ARMC9: variants seen among roughly 807,000 people sequenced by gnomAD.
ARMC9 encodes the protein lisH domain-containing protein ARMC9.
In ARMC9, 94 loss-of-function variants were observed where a neutral mutation model predicts 107.0. That is an observed-to-expected ratio of 0.88 (90% CI 0.74 to 1.04). The LOEUF is 1.04. Ranked by LOEUF, ARMC9 falls within the 50% of genes least tolerant of loss-of-function variation. The pLI, the probability that ARMC9 is intolerant of heterozygous loss-of-function variation, is 0.00. For missense variants in ARMC9, 942 were observed against 1,030.1 expected (o/e 0.91, Z 1.17); for synonymous variants, 380 against 396.9 (o/e 0.96, Z 0.51).
chr2:231,316,494 C>T (rs2042688530), intron 19 of ARMC9, among the ~76,000 whole-genome samples: 1 of 151,856 alleles, frequency 6.6e-6, no homozygotes, highest in Non-Finnish European at 1.5e-5. Flanking sequence ...AACCCCATCT[C>T]TACTAAAAAT....
intron 20 of ARMC9, among the ~76,000 whole-genome samples, chr2:231,338,578 C>T (rs1372636264): frequency 7.5e-6 from 1 of 134,166 alleles, no homozygotes; most frequent in Admixed American, 8.1e-5. Context: ...CTCGCTCTGT[C>T]ACACAGGCTG....
In ARMC9 at chr2:231,328,814, C is replaced by CTTTTTTTTTTTTTTTTTTTTTTTTTTT. The variant is rs1341987081; in HGVS notation, c.1774-2975_1774-2974insTTTTTTTTTTTTTTTTTTTTTTTTTTT. Among the ~76,000 whole-genome samples the CTTTTTTTTTTTTTTTTTTTTTTTTTTT allele has an allele frequency of 6.6e-3, 839 of 127,086 alleles. 166 individuals are homozygous for CTTTTTTTTTTTTTTTTTTTTTTTTTTT. The highest frequency in any genetic ancestry group is 9.0e-3 in the Non-Finnish European group (528 of 58,808). The allele number at this position is 127,086 out of a possible 152,430, so 83.4% of individuals were successfully genotyped here. A position where few individuals can be genotyped will look rare whatever the true frequency, so the allele number is the denominator to read the frequency against. ...AGCGTGTTCAATTTTCTTTTCTTTT[C>CTTTTTTTTTTTTTTTTTTTTTTTTTTT]TTTTCTTTTTTTTTTTTTGAGTCGG... On this transcript the variant is annotated intron_variant, in intron 19 of 24. Transcript: ENST00000611582.
chr2:231,288,339 GT>G (rs1364231240), intron 17 of ARMC9, among the ~76,000 whole-genome samples: 2 of 152,136 alleles, frequency 1.3e-5, no homozygotes, highest in African/African-American at 2.4e-5. Flanking sequence ...TTATCTCTGG[GT>G]GGGGGGCCTG....
At chr2:231,199,746 A>C (rs2030473355) in intron 1 of ARMC9, among the ~76,000 whole-genome samples, 4 of 151,948 alleles carry the variant, frequency 2.6e-5, no homozygotes, top group African/African-American at 2.4e-5. Context: ...CTCAGGCTGG[A>C]GTGGAGTGGC....
At chr2:231,233,360 T>C (rs1325333936) in intron 7 of ARMC9, among the ~76,000 whole-genome samples, 1 of 152,166 alleles carries the variant, frequency 6.6e-6, no homozygotes, top group African/African-American at 2.4e-5. Context: ...CCCCACTCAG[T>C]GTCTATAAAA....
At chr2:231,337,469 G>T (rs147084164) in intron 20 of ARMC9, among the ~76,000 whole-genome samples, 10,176 of 98,904 alleles carry the variant, frequency 0.1, 528 homozygotes, top group Non-Finnish European at 0.15. Flanking sequence ...GCTAATTTTT[G>T]TTTTTTTTTT....
At chr2:231,227,945 A>G (rs1424540263) in intron 7 of ARMC9, among the ~76,000 whole-genome samples, 2 of 152,178 alleles carry the variant, frequency 1.3e-5, no homozygotes, top group Admixed American at 6.5e-5. Flanking sequence ...ATACGGCCCC[A>G]TGGGATCAAC....
chr2:231,359,082 G>GTTCTTTTTTT lies in ARMC9; in HGVS notation c.2132-1670_2132-1669insCTTTTTTTTT, dbSNP rs767321498. 1.5e-3 allele frequency among the ~76,000 whole-genome samples: 173 copies of GTTCTTTTTTT among 117,774 alleles called. 13 individuals are homozygous for GTTCTTTTTTT. Among genetic ancestry groups the GTTCTTTTTTT allele is most frequent in the African/African-American group, 5.0e-3 (140 of 28,272 alleles). 77.3% of individuals were successfully genotyped at this position (117,774 alleles called of 152,430 possible). ...GCTGTCTTAGTTAGGGGGGTCTCCT[G>GTTCTTTTTTT]TTTTTTTTTTTTTTTTTTTTTGAGA... On this transcript the variant is annotated intron_variant, in intron 22 of 24. Coordinates refer to ENST00000611582, the MANE Select transcript of ARMC9 (RefSeq NM_001352754.2).
At chr2:231,227,981 G>A (rs900852059) in intron 7 of ARMC9, among the ~76,000 whole-genome samples, 18 of 152,222 alleles carry the variant, frequency 1.2e-4, no homozygotes, top group Admixed American at 2.6e-4. Context: ...GGTCGCAGGA[G>A]CACCCTGAGT....
chr2:231,349,627 C>G (rs2044965556), intron 21 of ARMC9, among the ~76,000 whole-genome samples: 1 of 152,020 alleles, frequency 6.6e-6, no homozygotes, highest in Non-Finnish European at 1.5e-5. Flanking sequence ...ACTAAAAATA[C>G]AAAAATTAAC....
chr2:231,316,676 A>G (rs562830487), intron 19 of ARMC9, among the ~76,000 whole-genome samples: 35 of 149,964 alleles, frequency 2.3e-4, no homozygotes, highest in Non-Finnish European at 4.0e-4. Flanking sequence ...AAAAAAAAAA[A>G]GAAAGAAAAA....
intron 12 of ARMC9, among the ~76,000 whole-genome samples, chr2:231,268,989 G>T (rs1258193223): frequency 6.6e-6 from 1 of 152,060 alleles, no homozygotes; most frequent in African/African-American, 2.4e-5. Flanking sequence ...GATTGCTTGA[G>T]CCCAAGAGGT....
chr2:231,364,142 G>A (rs921167184), intron 23 of ARMC9, among the ~76,000 whole-genome samples: 1 of 152,250 alleles, frequency 6.6e-6, no homozygotes. Context: ...CCCGGAATGT[G>A]CAGGAAGGTG....
chr2:231,256,361 A>T, intron 9 of ARMC9: 1 of 1,415,026 alleles, frequency 7.1e-7, no homozygotes, highest in Non-Finnish European at 9.7e-7. Context: ...GCCGATGGGA[A>T]TGGTCTGTCA....
intron 19 of ARMC9, among the ~76,000 whole-genome samples, chr2:231,307,677 AC>A (rs1464507490): frequency 1.3e-5 from 2 of 151,856 alleles, no homozygotes; most frequent in Non-Finnish European, 2.9e-5. Flanking sequence ...ATGGCCCCAA[AC>A]CCCCCTTCTT....
intron 14 of ARMC9, among the ~76,000 whole-genome samples, 154 bp from the exon 15 acceptor site, chr2:231,276,482 C>T (rs1284984127): frequency 6.6e-6 from 1 of 152,128 alleles, no homozygotes; most frequent in Non-Finnish European, 1.5e-5. Context: ...GTTGGCCAGG[C>T]TTGTCTCCAA....
chr2:231,244,648 G>T (rs951216540), intron 9 of ARMC9, among the ~76,000 whole-genome samples: 2 of 152,230 alleles, frequency 1.3e-5, no homozygotes, highest in African/African-American at 4.8e-5. Context: ...GGGATTACAG[G>T]TGTGAGCCAC....
At chr2:231,230,299 C>T (rs1574688590) in intron 7 of ARMC9, among the ~76,000 whole-genome samples, 3 of 151,554 alleles carry the variant, frequency 2.0e-5, no homozygotes, top group Middle Eastern at 3.4e-3. Context: ...GGAGTTGCAG[C>T]GAGCTATGAT....
At chr2:231,330,171 C>G (rs992402251) in intron 19 of ARMC9, among the ~76,000 whole-genome samples, 1 of 151,400 alleles carries the variant, frequency 6.6e-6, no homozygotes, top group Admixed American at 6.6e-5. Flanking sequence ...TCATGTAGAT[C>G]GATTCTTACC....
Sources: allele counts gnomAD v4.1 joint callset (sites outside exome capture counted in the v4.1 genomes callset), GRCh38; gene constraint gnomAD v4.1.1; transcripts MANE v1.5; gene names NCBI Gene and HGNC (gene_info 2026-07-23, HGNC 2026-07-21).